Variants in PNPO observed in about 807,000 individuals in gnomAD.
The protein encoded by PNPO is pyridoxine-5'-phosphate oxidase.
A neutral mutation model predicts 35.0 loss-of-function variants in PNPO; 39 were observed. That is an observed-to-expected ratio of 1.11 (90% CI 0.86 to 1.45). PNPO has a LOEUF of 1.45. Among genes scored for constraint, PNPO ranks in the 40% most tolerant of loss-of-function variants. The pLI is 0.00. For synonymous variants in PNPO, 115 were observed against 119.8 expected (o/e 0.96, Z 0.26); for missense variants, 288 against 340.0 (o/e 0.85, Z 1.20).
Position 47,941,665 on chromosome 17 carries a change from G to T in PNPO, c.-11G>T, listed in dbSNP as rs2035935501. 1.3e-6 allele frequency: 2 copies of T among 1,524,210 alleles called. No homozygotes were observed. The highest frequency in any genetic ancestry group is 5.0e-5 in the East Asian group (2 of 40,200). The allele number at this position is 1,524,210 out of a possible 1,614,324, so 94.4% of individuals were successfully genotyped here. ...CGGGCCACAGCCGGGTCACGTGGCC[G>T]GCGGCCCCCCATGACGTGCTGGCTG... On this transcript the variant is annotated 5_prime_UTR_variant, in exon 1 of 7. Coordinates refer to ENST00000642017, the MANE Select transcript of PNPO (RefSeq NM_018129.4).
In PNPO at chr17:47,945,507, G is replaced by A; in HGVS notation, c.364-52G>A. On this transcript the variant is annotated intron_variant, in intron 3 of 6. Coordinates refer to ENST00000642017, the MANE Select transcript of PNPO (RefSeq NM_018129.4). The surrounding 1 kb of genome is among the most constrained non-coding windows in gnomAD (Gnocchi z 4.0). ...TCCTGCCTTTTCCCTGCATGCCGGA[G>A]GCCTCCTCTCCCTGTCCTGATGGCT... 2 of 1,430,830 alleles carry A rather than the reference G, an allele frequency of 1.4e-6. No homozygotes were observed. Among genetic ancestry groups the A allele is most frequent in the Non-Finnish European group, 2.0e-6 (2 of 1,013,122 alleles). The allele number at this position is 1,430,830 out of a possible 1,614,324, so 88.6% of individuals were successfully genotyped here.
Position 47,945,493 on chromosome 17 carries a change from C to T in PNPO, c.364-66C>T. On this transcript the variant is annotated intron_variant, in intron 3 of 6. Coordinates refer to ENST00000642017, the MANE Select transcript of PNPO (RefSeq NM_018129.4). This position sits in a 1 kb window ranked among gnomAD's most constrained non-coding sequence, Gnocchi z 4.0. ...GCGCACTACAGCTCTCCTGCCTTTTCCCTGCATGCCGGAGGCCTCCTCTCC... is the reference window on the plus strand; with the variant it reads ...GCGCACTACAGCTCTCCTGCCTTTTTCCTGCATGCCGGAGGCCTCCTCTCC... 7.8e-7 allele frequency: 1 copy of T among 1,278,852 alleles called. No homozygotes were observed. Among genetic ancestry groups the T allele is most frequent in the Non-Finnish European group, 1.1e-6 (1 of 874,346 alleles). The allele number at this position is 1,278,852 out of a possible 1,614,324, so 79.2% of individuals were successfully genotyped here.
intron 2 of PNPO, 125 bp downstream of exon 2, chr17:47,943,555 G>C: frequency 1.7e-6 from 2 of 1,191,336 alleles, no homozygotes; most frequent in Non-Finnish European, 2.4e-6. Context: ...GTGGCTTTAG[G>C]CAAGATACTT....
chr17:47,945,927 C>A lies in PNPO; in HGVS notation c.484C>A (p.Pro162Thr). The change falls in exon 5 of 7, where the codon CCC becomes ACC. Residue 162 changes from proline (P) to threonine (T), a missense_variant. Pro to Thr is a conservative substitution (Grantham distance 38, BLOSUM62 -1). Transcript: ENST00000642017. The surrounding 1 kb of genome is among the most constrained non-coding windows in gnomAD (Gnocchi z 4.0). ...GGCTGAGTGCTACTTCCACTCCCGC[C>A]CCAAGAGCAGCCAGATTGGGGCTGT... ...EEAECYFHSRPKSSQIGAVVS... is the reference protein window; with the variant it reads ...EEAECYFHSRTKSSQIGAVVS... 6.2e-7 allele frequency: 1 copy of A among 1,614,002 alleles called. No individual in the cohort carries two copies. The highest frequency in any genetic ancestry group is 1.1e-5 in the South Asian group (1 of 91,084).
At chr17:47,946,567 G>A (rs756207218) in intron 6 of PNPO, 47 bp from the exon 7 acceptor site, 1 of 1,597,788 alleles carries the variant, frequency 6.3e-7, no homozygotes, top group Non-Finnish European at 8.6e-7. Flanking sequence ...AGAGTGACCT[G>A]GCTAGAAAAC....
Position 47,941,669 on chromosome 17 carries a change from G to GC in PNPO, c.-1dup, listed in dbSNP as rs796052867. 4.3e-5 allele frequency: 65 copies of GC among 1,525,364 alleles called. 1 individual carries two copies. The highest frequency in any genetic ancestry group is 1.4e-4 in the South Asian group (12 of 83,132). 94.5% of individuals were successfully genotyped at this position (1,525,364 alleles called of 1,614,324 possible). ...CCACAGCCGGGTCACGTGGCCGGCG[G>GC]CCCCCCATGACGTGCTGGCTGCGGG... On this transcript the variant is annotated 5_prime_UTR_variant, in exon 1 of 7. Transcript: ENST00000642017.
chr17:47,944,801 C>A, intron 3 of PNPO, 86 bp downstream of exon 3: 1 of 1,027,544 alleles, frequency 9.7e-7, no homozygotes, highest in South Asian at 1.3e-5. Flanking sequence ...CCACCCCACC[C>A]CCCCAGTCTA....
rs572871752 is a variant in PNPO at position 47,946,313 on chromosome 17, C to T, written c.547-10C>T. 121 of 1,603,798 alleles carry T rather than the reference C, an allele frequency of 7.5e-5. 1 individual carries two copies. In the South Asian group the frequency reaches 1.2e-3, roughly 15 times the overall value. Reference sequence around the variant, plus strand: ...GCCTGGCCCTTCTTCTAACTCTTCCCCCTGGACAGTATCTGAGAAAGAAAA... The same window carrying T: ...GCCTGGCCCTTCTTCTAACTCTTCCTCCTGGACAGTATCTGAGAAAGAAAA... On this transcript the variant is annotated splice_polypyrimidine_tract_variant and intron_variant, in intron 5 of 6. Transcript: ENST00000642017.
At chr17:47,946,417 T>C (rs565954262) in intron 6 of PNPO, 24 bp downstream of exon 6, 1 of 1,576,858 alleles carries the variant, frequency 6.3e-7, no homozygotes. Flanking sequence ...GGTAGTCCTC[T>C]AGAAAGGGAC....
rs2036021668 is a variant in PNPO, at chr17:47,947,118, G to A, written c.*336G>A. Reference sequence around the variant, plus strand: ...TGACAGACAGGGCCCCAGCAGCCCTGTCTGTTACCATGTGAGTCATACTGG... The same window carrying A: ...TGACAGACAGGGCCCCAGCAGCCCTATCTGTTACCATGTGAGTCATACTGG... On this transcript the variant is annotated 3_prime_UTR_variant, in exon 7 of 7. Transcript: ENST00000642017. 3.0e-6 allele frequency: 1 copy of A among 337,468 alleles called. No homozygotes were observed. The highest frequency in any genetic ancestry group is 5.7e-6 in the Non-Finnish European group (1 of 175,386). 20.9% of individuals were successfully genotyped at this position (337,468 alleles called of 1,614,324 possible).
At chr17:47,946,517 A>G (rs1227305391) in intron 6 of PNPO, 97 bp from the exon 7 acceptor site, 24 of 1,459,742 alleles carry the variant, frequency 1.6e-5, no homozygotes, top group Non-Finnish European at 2.3e-5. Flanking sequence ...CATCCCAGCA[A>G]CTTCCTTCAA....
At chr17:47,944,866 C>T in intron 3 of PNPO, 151 bp downstream of exon 3, 1 of 710,410 alleles carries the variant, frequency 1.4e-6, no homozygotes. Context: ...ACTTGCTGTG[C>T]TCTTTGCCAT....
intron 1 of PNPO, among the ~76,000 whole-genome samples, chr17:47,943,006 C>A (rs888770287): frequency 2.4e-4 from 37 of 152,088 alleles, no homozygotes; most frequent in African/African-American, 8.5e-4. Flanking sequence ...GGGGTGGAGC[C>A]CAGAAAGTTT....
rs908076236 is a variant in PNPO at position 47,945,443 on chromosome 17, C to G, written c.364-116C>G. Reference sequence around the variant, plus strand: ...TTTTGAGGGTTTAAATGAGCTCTTACGGTGGGTGCATCTGCTGTGGGCCTG... The same window carrying G: ...TTTTGAGGGTTTAAATGAGCTCTTAGGGTGGGTGCATCTGCTGTGGGCCTG... On this transcript the variant is annotated intron_variant, in intron 3 of 6. Coordinates refer to ENST00000642017, the MANE Select transcript of PNPO (RefSeq NM_018129.4). The surrounding 1 kb of genome is among the most constrained non-coding windows in gnomAD (Gnocchi z 4.0). 3 of 813,746 alleles carry G rather than the reference C, an allele frequency of 3.7e-6. No homozygotes were observed. The African/African-American group carries it at 5.0e-5, about 14-fold the overall frequency. The allele number at this position is 813,746 out of a possible 1,614,324, so 50.4% of individuals were successfully genotyped here.
Position 47,941,822 on chromosome 17 carries a change from G to GC in PNPO, c.138+10dup. On this transcript the variant is annotated intron_variant, in intron 1 of 6. Coordinates refer to ENST00000642017, the MANE Select transcript of PNPO (RefSeq NM_018129.4). Reference sequence around the variant, plus strand: ...ACCGCGGGGACCGAGAGGTGCCGCCGCTAGGGCCAGGCCTCCTGCAGGGGC... The same window carrying GC: ...ACCGCGGGGACCGAGAGGTGCCGCCGCCTAGGGCCAGGCCTCCTGCAGGGGC... 6.4e-7 allele frequency: 1 copy of GC among 1,562,112 alleles called. No individual in the cohort carries two copies. The highest frequency in any genetic ancestry group is 2.4e-5 in the East Asian group (1 of 42,192).
At chr17:47,946,064 G>A in intron 5 of PNPO, 75 bp downstream of exon 5, 1 of 1,552,878 alleles carries the variant, frequency 6.4e-7, no homozygotes, top group Non-Finnish European at 8.8e-7. Flanking sequence ...CCCAGGAGAT[G>A]CCAGGAGATG....
At chr17:47,943,903 C>CA (rs1247883742) in intron 2 of PNPO, among the ~76,000 whole-genome samples, 1 of 152,196 alleles carries the variant, frequency 6.6e-6, no homozygotes, top group Non-Finnish European at 1.5e-5. Context: ...TTGTACTGTG[C>CA]GAGTGGATAT....
chr17:47,942,974 AC>A (rs1185224787), intron 1 of PNPO, among the ~76,000 whole-genome samples: 2 of 152,304 alleles, frequency 1.3e-5, no homozygotes, highest in African/African-American at 4.8e-5. Context: ...GAAGCCTCAG[AC>A]CTGCTGAATG....
rs2035984767 is a variant in PNPO at position 47,944,610 on chromosome 17, T to C, written c.264-6T>C. 1 of 1,611,048 alleles carries C rather than the reference T, an allele frequency of 6.2e-7. No individual in the cohort carries two copies. The highest frequency in any genetic ancestry group is 1.1e-5 in the South Asian group (1 of 91,000). On this transcript the variant is annotated splice_polypyrimidine_tract_variant and splice_region_variant and intron_variant, in intron 2 of 6. Transcript: ENST00000642017. Reference sequence around the variant, plus strand: ...CTGACCACAGTGCTCTGCTCTTTGCTCCTAGAGATGGAAAACCCTCTGCTC... The same window carrying C: ...CTGACCACAGTGCTCTGCTCTTTGCCCCTAGAGATGGAAAACCCTCTGCTC...
Sources: allele counts gnomAD v4.1 joint callset (sites outside exome capture counted in the v4.1 genomes callset), GRCh38; gene constraint gnomAD v4.1.1; non-coding constraint Gnocchi (gnomAD v3.1); transcripts MANE v1.5; gene names NCBI Gene and HGNC (gene_info 2026-07-23, HGNC 2026-07-21).